MXRA5: variants seen among roughly 807,000 people sequenced by gnomAD.
The protein encoded by MXRA5 is matrix remodeling associated 5.
A neutral mutation model predicts 112.5 loss-of-function variants in MXRA5; 41 were observed. The observed-to-expected ratio is 0.36, with a 90% CI of 0.28 to 0.47. The LOEUF (loss-of-function observed/expected upper bound fraction) is 0.47, where lower values mean the gene tolerates loss of function less well. Ranked by LOEUF, MXRA5 falls within the 20% of genes least tolerant of loss-of-function variation. The pLI, the probability that MXRA5 is intolerant of heterozygous loss-of-function variation, is 0.99. For synonymous variants in MXRA5, 862 were observed against 900.8 expected (o/e 0.96, Z 0.77); for missense variants, 2,150 against 2,251.0 (o/e 0.96, Z 0.91).
chrX:3,343,441 T>C (rs1206735631), intron 2 of MXRA5, among the ~76,000 whole-genome samples: 1 of 112,401 alleles, frequency 8.9e-6, no homozygotes, highest in Non-Finnish European at 1.9e-5. Flanking sequence ...GATGGATATA[T>C]TGAGATAATC....
rs1332109902 is a variant in MXRA5, at chrX:3,323,897, T to C, written c.1788A>G (p.Thr596=). Residue 596 remains threonine, a synonymous_variant, in exon 5 of 7, where the codon ACA becomes ACG. Coordinates refer to ENST00000217939, the MANE Select transcript of MXRA5 (RefSeq NM_015419.4). The part of the protein sequence containing the change: ...TIGKNPGESV[T]LPCNALAIPE... ...GTATTGCTAAAGCATTGCAAGGCAA[T>C]GTCACCGACTCCCCTGGGTTCTTGC... 8.3e-7 allele frequency: 1 copy of C among 1,206,226 alleles called. No individual in the cohort carries two copies. Among genetic ancestry groups the C allele is most frequent in the Non-Finnish European group, 1.1e-6 (1 of 893,232 alleles).
chrX:3,335,685 A>C (rs1335766799), intron 2 of MXRA5, among the ~76,000 whole-genome samples: 8 of 112,351 alleles, frequency 7.1e-5, no homozygotes, highest in Admixed American at 1.9e-4. Flanking sequence ...CACGTGAGTG[A>C]GAAGCAAAGA....
chrX:3,325,037 T>G, intron 4 of MXRA5, 62 bp from the exon 5 acceptor site: 1 of 1,087,623 alleles, frequency 9.2e-7, no homozygotes, highest in Non-Finnish European at 1.2e-6. Context: ...GCCTTGCACA[T>G]GGCCAGAGGA....
rs1267062048 is a variant in MXRA5, at chrX:3,317,283, C to G, written c.6398G>C (p.Arg2133Thr). The G allele has an allele frequency of 8.3e-7, 1 of 1,206,117 alleles. No homozygotes were observed. The highest frequency in any genetic ancestry group is 1.1e-6 in the Non-Finnish European group (1 of 892,845). The change falls in exon 6 of 7, where the codon AGG becomes ACG. Residue 2133 changes from arginine (R) to threonine (T), a missense_variant. Transcript: ENST00000217939. ...ACGCTGCACGTTCAGCTGCACCGTCCTGCGCGCGGAGCCTACCAGGTTGGC... is the reference window on the plus strand; with the variant it reads ...ACGCTGCACGTTCAGCTGCACCGTCGTGCGCGCGGAGCCTACCAGGTTGGC... ...VAANLVGSARRTVQLNVQRAA... is the reference protein window; with the variant it reads ...VAANLVGSARTTVQLNVQRAA...
Position 3,328,749 on chromosome X carries a change from G to A in MXRA5, c.709+1269C>T, listed in dbSNP as rs754715103. Among the ~76,000 whole-genome samples the A allele has an allele frequency of 1.0e-4, 11 of 106,404 alleles. No individual in the cohort carries two copies. In the East Asian group the frequency reaches 2.7e-3, roughly 26 times the overall value. The allele number at this position is 106,404 out of a possible 115,157, so 92.4% of individuals were successfully genotyped here. ...GTTGCAAGGTAGGGCTTAGAGAAGG[G>A]GGAGAAAGGAAGGAAGGAAGGGAAG... On this transcript the variant is annotated intron_variant, in intron 4 of 6. Transcript: ENST00000217939.
chrX:3,316,426 G>A (rs1015334764), intron 6 of MXRA5, among the ~76,000 whole-genome samples: 10 of 105,694 alleles, frequency 9.5e-5, no homozygotes, highest in Non-Finnish European at 1.2e-4. Flanking sequence ...AGGTCAGGGC[G>A]GGAAGATTGC....
intron 2 of MXRA5, among the ~76,000 whole-genome samples, chrX:3,343,292 A>T (rs963193219): frequency 2.7e-5 from 3 of 112,337 alleles, no homozygotes; most frequent in Non-Finnish European, 5.6e-5. Context: ...AGTCTACTTA[A>T]ATCATCTTCA....
intron 6 of MXRA5, among the ~76,000 whole-genome samples, chrX:3,315,333 T>TAGATG (rs1755976517): frequency 5.8e-5 from 2 of 34,262 alleles, no homozygotes; most frequent in Non-Finnish European, 1.1e-4. Context: ...GATAGATAGA[T>TAGATG]ATAGATAGAT....
intron 2 of MXRA5, among the ~76,000 whole-genome samples, chrX:3,343,356 C>T (rs1371877303): frequency 1.8e-5 from 2 of 112,235 alleles, no homozygotes; most frequent in Non-Finnish European, 3.7e-5. Context: ...TAAAGAAATG[C>T]TATCAAGGGA....
rs749501496 is a variant in MXRA5 at position 3,317,971 on chromosome X, G to A, written c.5710C>T (p.Arg1904Trp). 30 of 1,199,273 alleles carry A rather than the reference G, an allele frequency of 2.5e-5. No homozygotes were observed. Among genetic ancestry groups the A allele is most frequent in the Admixed American group, 8.9e-5 (4 of 44,909 alleles). The change falls in exon 6 of 7, where the codon CGG becomes TGG. Residue 1904 changes from arginine to tryptophan, a missense_variant. Arg to Trp is a moderately radical substitution (Grantham distance 101, BLOSUM62 -3). Around this residue, in one of 6 missense-constraint regions of MXRA5, gnomAD observed 1,485 missense variants for 1,471.6 expected, o/e 1.01. Transcript: ENST00000217939. ...GTACCGTTCTTGAGAACCTCAAACCGTTGTATCCTGGTATTCGGAGTCATA... is the reference window on the plus strand; with the variant it reads ...GTACCGTTCTTGAGAACCTCAAACCATTGTATCCTGGTATTCGGAGTCATA... ...ALMTPNTRIQRFEVLKNGTLV... is the reference protein window; with the variant it reads ...ALMTPNTRIQWFEVLKNGTLV...
intron 1 of MXRA5, among the ~76,000 whole-genome samples, chrX:3,346,011 A>G (rs1223655442): frequency 8.9e-6 from 1 of 112,316 alleles, no homozygotes; most frequent in Non-Finnish European, 1.9e-5. Flanking sequence ...GTAGGAGGAA[A>G]GAGGCGGGGA....
Position 3,320,747 on chromosome X carries a change from C to A in MXRA5, c.4938G>T (p.Pro1646=). 1 of 1,211,705 alleles carries A rather than the reference C, an allele frequency of 8.3e-7. No homozygotes were observed. The highest frequency in any genetic ancestry group is 1.1e-6 in the Non-Finnish European group (1 of 895,449). The part of the protein sequence containing the change: ...SQSPRHWTNK[P]EITTYPSGAL... ...CCCCAGAAGGATATGTAGTTATTTCCGGTTTGTTGGTCCAGTGACGAGGTG... is the reference window on the plus strand; with the variant it reads ...CCCCAGAAGGATATGTAGTTATTTCAGGTTTGTTGGTCCAGTGACGAGGTG... Residue 1646 remains proline, a synonymous_variant, in exon 5 of 7, where the codon CCG becomes CCT. Transcript: ENST00000217939.
chrX:3,311,612 TC>T lies in MXRA5; in HGVS notation c.6590del (p.Arg2197LysfsTer12). 1 of 1,207,801 alleles carries T rather than the reference TC, an allele frequency of 8.3e-7. No individual in the cohort carries two copies. The highest frequency in any genetic ancestry group is 1.1e-6 in the Non-Finnish European group (1 of 893,085). ...GGGTCCCATTGGCAAACACCTTGATTCTGCTATCAAAACTACAGAAAAAAAG... is the reference window on the plus strand; with the variant it reads ...GGGTCCCATTGGCAAACACCTTGATTTGCTATCAAAACTACAGAAAAAAAG... ...MIDALFSFDS[R>X]IKVFANGTLV... is the part of the protein sequence containing the mutation. On this transcript the variant is annotated frameshift_variant, in exon 7 of 7. Transcript: ENST00000217939. LOFTEE classifies it high-confidence loss of function.
At chrX:3,312,467 A>C in intron 6 of MXRA5, among the ~76,000 whole-genome samples, 1 of 112,042 alleles carries the variant, frequency 8.9e-6, no homozygotes, top group Non-Finnish European at 1.9e-5. Flanking sequence ...GAAAAGATTG[A>C]GAAAGTTCTC....
Position 3,311,388 on chromosome X carries a change from T to C in MXRA5, c.6815A>G (p.Asn2272Ser), listed in dbSNP as rs1364968340. The C allele has an allele frequency of 5.8e-6, 7 of 1,211,843 alleles. No homozygotes were observed. The highest frequency in any genetic ancestry group is 7.8e-6 in the Non-Finnish European group (7 of 895,522). Residue 2272 changes from asparagine (N) to serine (S), a missense_variant, in exon 7 of 7, where the codon AAT becomes AGT. This residue lies in a region of MXRA5 where 1,485 missense variants were observed against 1,471.6 expected (regional missense o/e 1.01). Transcript: ENST00000217939. The stretch of plus-strand genomic sequence containing the variant: ...TGGGAGGCTCCAGGAGATCTCGGGA[T>C]TGGGAAGCCCGGTGGCCACACAGTC... ...KVDCVATGLP[N>S]PEISWSLPDG... is the part of the protein sequence containing the mutation.
At position 3,309,642 on chromosome X, in the gene MXRA5, A is replaced by G; in HGVS notation, c.*74T>C. 1 of 937,937 alleles carries G rather than the reference A, an allele frequency of 1.1e-6. No individual in the cohort carries two copies. Among genetic ancestry groups the G allele is most frequent in the Middle Eastern group, 3.1e-4 (1 of 3,245 alleles). 77.3% of individuals were successfully genotyped at this position (937,937 alleles called of 1,213,427 possible). A position where few individuals can be genotyped will look rare whatever the true frequency, so the allele number is the denominator to read the frequency against. On this transcript the variant is annotated 3_prime_UTR_variant, in exon 7 of 7. Coordinates refer to ENST00000217939, the MANE Select transcript of MXRA5 (RefSeq NM_015419.4). ...TGTGACACATTATTTAAGAGCTCCT[A>G]TTCCCCAACCTGGCTTCCCTTACAA...
At chrX:3,312,602 C>G (rs1342664928) in intron 6 of MXRA5, among the ~76,000 whole-genome samples, 1 of 106,841 alleles carries the variant, frequency 9.4e-6, no homozygotes, top group East Asian at 2.9e-4. Flanking sequence ...TTGTTTGTCA[C>G]CCAGGCTGGA....
rs1267673605 is a variant in MXRA5 at position 3,323,240 on chromosome X, T to C, written c.2445A>G (p.Leu815=). 3 of 1,209,221 alleles carry C rather than the reference T, an allele frequency of 2.5e-6. No individual in the cohort carries two copies. Among genetic ancestry groups the C allele is most frequent in the Non-Finnish European group, 3.4e-6 (3 of 894,990 alleles). ...IKTTSPPSLS[L]EVTPPFPAIS... ...TAGCAGGAAAAGGTGGTGTGACTTC[T>C]AGACTCAAGGATGGAGGACTTGTGG... is the stretch of plus-strand genomic sequence containing the variant. The change falls in exon 5 of 7, where the codon CTA becomes CTG. Residue 815 remains leucine (L), a synonymous_variant. Coordinates refer to ENST00000217939, the MANE Select transcript of MXRA5 (RefSeq NM_015419.4).
At chrX:3,340,976 T>C (rs1477024533) in intron 2 of MXRA5, among the ~76,000 whole-genome samples, 1 of 81,628 alleles carries the variant, frequency 1.2e-5, no homozygotes, top group African/African-American at 4.7e-5. Flanking sequence ...TTATGTATAA[T>C]AGATATATAT....
Sources: allele counts gnomAD v4.1 joint callset (sites outside exome capture counted in the v4.1 genomes callset), GRCh38; gene constraint gnomAD v4.1.1; regional missense constraint gnomAD v4.1.1; transcripts MANE v1.5; gene names NCBI Gene and HGNC (gene_info 2026-07-23, HGNC 2026-07-21).